Variants in NECAP2 observed in about 807,000 individuals in gnomAD.
NECAP2 encodes adaptin ear-binding coat-associated protein 2.
Under a neutral mutation model 37.8 loss-of-function variants are expected in NECAP2, and 38 were observed. The ratio of observed to expected loss-of-function variants is 1.01; its 90% CI spans 0.78 to 1.32. The LOEUF (loss-of-function observed/expected upper bound fraction) is 1.32. NECAP2 is among the 40% of genes most tolerant of loss of function. The pLI is 0.00. For missense variants in NECAP2, 316 were observed against 334.5 expected (o/e 0.94, Z 0.43); for synonymous variants, 121 against 127.7 (o/e 0.95, Z 0.35).
intron 7 of NECAP2, among the ~76,000 whole-genome samples, chr1:16,457,079 C>T (rs949035951): frequency 3.3e-5 from 5 of 152,248 alleles, no homozygotes; most frequent in African/African-American, 1.2e-4. Flanking sequence ...CTACTCAGTT[C>T]TGCTCTTGTT....
chr1:16,448,375 T>C, intron 4 of NECAP2: 1 of 565,636 alleles, frequency 1.8e-6, no homozygotes, highest in Non-Finnish European at 3.2e-6. Flanking sequence ...GCCACCTGTC[T>C]CCCCTTACCA....
intron 1 of NECAP2, 77 bp downstream of exon 1, chr1:16,440,930 C>T (rs945250599): frequency 8.5e-6 from 11 of 1,287,272 alleles, no homozygotes; most frequent in Admixed American, 3.7e-5. Context: ...ACTGCGGGAA[C>T]CGAGGACAGC....
chr1:16,448,903 C>T (rs780663815), intron 4 of NECAP2, among the ~76,000 whole-genome samples, 190 bp from the exon 5 acceptor site: 2 of 152,148 alleles, frequency 1.3e-5, no homozygotes, highest in Non-Finnish European at 2.9e-5. Flanking sequence ...AACCAATGTG[C>T]ATGCCGCTAC....
At chr1:16,446,286 G>T (rs2086760759) in intron 2 of NECAP2, among the ~76,000 whole-genome samples, 1 of 152,174 alleles carries the variant, frequency 6.6e-6, no homozygotes, top group African/African-American at 2.4e-5. Context: ...TAAAGCACCA[G>T]CCAGGTGTGG....
intron 2 of NECAP2, among the ~76,000 whole-genome samples, chr1:16,447,410 C>T (rs72638050): frequency 0.025 from 3,804 of 152,210 alleles, 70 homozygotes; most frequent in Middle Eastern, 0.041. Context: ...CTTCTTTCCT[C>T]GGGGCTCACT....
Position 16,440,790 on chromosome 1 carries a change from T to C in NECAP2, c.29T>C (p.Leu10Pro). The C allele has an allele frequency of 2.5e-6, 4 of 1,614,088 alleles. No individual in the cohort carries two copies. Among genetic ancestry groups the C allele is most frequent in the Non-Finnish European group, 3.4e-6 (4 of 1,179,994 alleles). MEESGYESV[L>P]CVKPDVHVYR... ...GAGGAGAGCGGGTACGAGTCGGTGCTCTGTGTCAAGCCTGACGTCCACGTC... is the reference window on the plus strand; with the variant it reads ...GAGGAGAGCGGGTACGAGTCGGTGCCCTGTGTCAAGCCTGACGTCCACGTC... The change falls in exon 1 of 8, where the codon CTC becomes CCC. Residue 10 changes from leucine to proline, a missense_variant. Leu to Pro is a moderately conservative substitution (Grantham distance 98). Around this residue, in one of 3 missense-constraint regions of NECAP2, gnomAD observed 31 missense variants for 21.7 expected, o/e 1.43. Transcript: ENST00000337132.
intron 6 of NECAP2, among the ~76,000 whole-genome samples, chr1:16,454,928 G>A (rs1348906004): frequency 1.3e-5 from 2 of 152,170 alleles, no homozygotes; most frequent in East Asian, 1.9e-4. Context: ...AGTAGTTCCT[G>A]TTATTTTCAG....
Position 16,449,249 on chromosome 1 carries a change from C to T in NECAP2, c.489+48C>T, listed in dbSNP as rs769999360. ...TGTGGTGACGTGATACTTGTGGCCACCCAGCCCCAGAGCCCATTGCTCTTC... is the reference window on the plus strand; with the variant it reads ...TGTGGTGACGTGATACTTGTGGCCATCCAGCCCCAGAGCCCATTGCTCTTC... On this transcript the variant is annotated intron_variant, in intron 5 of 7. Transcript: ENST00000337132. 2.2e-5 allele frequency: 29 copies of T among 1,314,838 alleles called. No homozygotes were observed. The South Asian group carries it at 3.0e-4, about 14-fold the overall frequency. The allele number at this position is 1,314,838 out of a possible 1,614,324, so 81.4% of individuals were successfully genotyped here.
chr1:16,443,556 A>G (rs1011957020), intron 1 of NECAP2, 76 bp from the exon 2 acceptor site: 10 of 1,115,598 alleles, frequency 9.0e-6, no homozygotes, highest in Non-Finnish European at 1.3e-5. Flanking sequence ...TAGAATAAGC[A>G]GCCCTTTCCA....
chr1:16,441,979 CTT>C (rs1275872447), intron 1 of NECAP2, among the ~76,000 whole-genome samples: 45 of 136,464 alleles, frequency 3.3e-4, no homozygotes, highest in Admixed American at 2.9e-4. Flanking sequence ...CCTGTTGGGT[CTT>C]TTTTTTTTTT....
chr1:16,445,764 C>T (rs138413621), intron 2 of NECAP2, among the ~76,000 whole-genome samples: 3,997 of 152,180 alleles, frequency 0.026, 175 homozygotes, highest in African/African-American at 0.092. Context: ...ATTAGCCAGG[C>T]GTGGTGGTGC....
intron 7 of NECAP2, 115 bp from the exon 8 acceptor site, chr1:16,458,727 A>G: frequency 9.4e-7 from 1 of 1,059,900 alleles, no homozygotes; most frequent in South Asian, 1.4e-5. Context: ...CTGCTCTAGA[A>G]CATTTAGGAA....
At chr1:16,450,061 C>T in intron 5 of NECAP2, 1 of 389,510 alleles carries the variant, frequency 2.6e-6, no homozygotes, top group Non-Finnish European at 5.2e-6. Context: ...TAATGCTTTT[C>T]CTCTTTACTT....
rs1003356774 is a variant in NECAP2 at position 16,448,978 on chromosome 1, C to T, written c.381-115C>T. 37 of 665,168 alleles carry T rather than the reference C, an allele frequency of 5.6e-5. 1 individual carries two copies. In the South Asian group the frequency reaches 6.0e-4, roughly 11 times the overall value. 41.2% of individuals were successfully genotyped at this position (665,168 alleles called of 1,614,324 possible). On this transcript the variant is annotated intron_variant, in intron 4 of 7. Transcript: ENST00000337132. ...CAAGCCTGCACTCTTTCCAGCACCC[C>T]GTCTCACTACGAGGCTCAGCCTGGA...
intron 1 of NECAP2, among the ~76,000 whole-genome samples, chr1:16,442,789 G>T (rs2086707598): frequency 6.6e-6 from 1 of 152,172 alleles, no homozygotes; most frequent in African/African-American, 2.4e-5. Flanking sequence ...TGGTGTGTTG[G>T]TACACACCTG....
chr1:16,454,784 T>A (rs2086894342), intron 6 of NECAP2, among the ~76,000 whole-genome samples: 1 of 152,246 alleles, frequency 6.6e-6, no homozygotes, highest in South Asian at 2.1e-4. Flanking sequence ...TGTATAGCAC[T>A]TAGAACAATT....
At chr1:16,449,449 C>T in intron 5 of NECAP2, 1 of 450,484 alleles carries the variant, frequency 2.2e-6, no homozygotes, top group East Asian at 4.0e-5. Context: ...CTAAGGGATG[C>T]CCTGGGTGCC....
At chr1:16,455,757 G>C in intron 6 of NECAP2, 61 bp from the exon 7 acceptor site, 1 of 1,342,042 alleles carries the variant, frequency 7.5e-7, no homozygotes, top group African/African-American at 1.4e-5. Flanking sequence ...CAACCAGAAA[G>C]GTCTCTGACT....
intron 5 of NECAP2, 179 bp downstream of exon 5, chr1:16,449,380 G>A: frequency 1.8e-6 from 1 of 556,966 alleles, no homozygotes; most frequent in Non-Finnish European, 3.2e-6. Context: ...GGAGCTCAGA[G>A]TTGAGCTGAG....
Sources: allele counts gnomAD v4.1 joint callset (sites outside exome capture counted in the v4.1 genomes callset), GRCh38; gene constraint gnomAD v4.1.1; regional missense constraint gnomAD v4.1.1; transcripts MANE v1.5; gene names NCBI Gene and HGNC (gene_info 2026-07-23, HGNC 2026-07-21).